GPN1: variants seen among roughly 807,000 people sequenced by gnomAD.
GPN1 encodes ATP(GTP)-binding protein.
GPN1 carries 44 observed loss-of-function variants against 55.9 expected under a neutral mutation model. That is an observed-to-expected ratio of 0.79 (90% CI 0.62 to 1.01). The LOEUF (loss-of-function observed/expected upper bound fraction) is 1.01, where lower values mean the gene tolerates loss of function less well. GPN1 is among the 50% of genes least tolerant of loss of function. GPN1 has a pLI of 0.00. For synonymous variants in GPN1, 179 were observed against 162.5 expected (o/e 1.10, Z -0.77); for missense variants, 466 against 462.8 (o/e 1.01, Z -0.06).
At chr2:27,630,386 G>GT (rs202052577) in intron 2 of GPN1, among the ~76,000 whole-genome samples, 1,794 of 82,492 alleles carry the variant, frequency 0.022, 30 homozygotes, top group Middle Eastern at 0.057. Context: ...AACAGCTTAG[G>GT]TTTTTTTTTT....
chr2:27,636,335 G>T (rs1482218948), intron 7 of GPN1, among the ~76,000 whole-genome samples: 3 of 152,176 alleles, frequency 2.0e-5, no homozygotes, highest in African/African-American at 7.2e-5. Flanking sequence ...AAAGCTGAGA[G>T]AATTTAATTT....
At position 27,645,272 on chromosome 2, in the gene GPN1, AT is replaced by A. The variant is rs547090620; in HGVS notation, c.932-2554del. On this transcript the variant is annotated intron_variant, in intron 12 of 13. Coordinates refer to ENST00000610189, the MANE Select transcript of GPN1 (RefSeq NM_007266.4). ...AGGCATAAGCCACCATCCCCAGCCC[AT>A]TTTTTTTTTCTTTTAACTTGCTTTG... is the stretch of plus-strand genomic sequence containing the variant. 1.3e-4 allele frequency among the ~76,000 whole-genome samples: 20 copies of A among 148,444 alleles called. No homozygotes were observed. In the East Asian group the frequency reaches 2.6e-3, roughly 19 times the overall value.
At chr2:27,636,039 A>AC (rs1196645454) in intron 7 of GPN1, among the ~76,000 whole-genome samples, 1 of 151,960 alleles carries the variant, frequency 6.6e-6, no homozygotes, top group African/African-American at 2.4e-5. Flanking sequence ...CCATGGTGAA[A>AC]CCCCATCTCT....
rs145925702 is a variant in GPN1 at position 27,629,091 on chromosome 2, G to A, written c.33G>A (p.Gln11=). 7 of 1,614,136 alleles carry A rather than the reference G, an allele frequency of 4.3e-6. No individual in the cohort carries two copies. The East Asian group carries it at 8.9e-5, about 21-fold the overall frequency. Residue 11 remains glutamine (Q), a synonymous_variant, in exon 1 of 14, where the codon CAG becomes CAA. Coordinates refer to ENST00000610189, the MANE Select transcript of GPN1 (RefSeq NM_007266.4). The part of the protein sequence containing the change: MAASAAAAEL[Q]ASGGPRHPVC... Reference sequence around the variant, plus strand: ...CGTCCGCAGCTGCCGCTGAGCTCCAGGCTTCTGGGGGTCCGCGGCACCCAG... The same window carrying A: ...CGTCCGCAGCTGCCGCTGAGCTCCAAGCTTCTGGGGGTCCGCGGCACCCAG...
chr2:27,630,009 C>A, intron 2 of GPN1, 57 bp downstream of exon 2: 1 of 992,696 alleles, frequency 1.0e-6, no homozygotes, highest in Non-Finnish European at 1.6e-6. Flanking sequence ...TGGAAAAGGC[C>A]AGGCGTGGTG....
rs1340616922 is a variant in GPN1 at position 27,640,134 on chromosome 2, A to G, written c.800+9A>G. On this transcript the variant is annotated intron_variant, in intron 10 of 13. Coordinates refer to ENST00000610189, the MANE Select transcript of GPN1 (RefSeq NM_007266.4). ...GCCGAAGAATATGAAAGGTGAGGAT[A>G]AAGGAAAATTCTATTGATGACATTC... The G allele has an allele frequency of 1.3e-6, 2 of 1,564,704 alleles. No homozygotes were observed. Among genetic ancestry groups the G allele is most frequent in the African/African-American group, 2.7e-5 (2 of 73,986 alleles).
intron 12 of GPN1, among the ~76,000 whole-genome samples, chr2:27,644,722 T>C (rs1674133923): frequency 2.1e-5 from 3 of 143,578 alleles, no homozygotes; most frequent in African/African-American, 8.1e-5. Context: ...TTTTTGGTAG[T>C]GTTTTTTTTT....
In GPN1 at chr2:27,642,445, A is replaced by G; in HGVS notation, c.857A>G (p.Gln286Arg). Residue 286 changes from glutamine (Q) to arginine (R), a missense_variant, in exon 12 of 14, where the codon CAA (glutamine) becomes CGA (arginine). Gln to Arg is a conservative substitution (Grantham distance 43). Coordinates refer to ENST00000610189, the MANE Select transcript of GPN1 (RefSeq NM_007266.4). ...TATATACAGGCCAACGCAGAGAGCC[A>G]ACAGCAGAGAGAACAACTGGAACGC... ...LKKSLANAES[Q>R]QQREQLERLR... 6.2e-7 allele frequency: 1 copy of G among 1,612,788 alleles called. No individual in the cohort carries two copies. The highest frequency in any genetic ancestry group is 8.5e-7 in the Non-Finnish European group (1 of 1,178,756).
intron 11 of GPN1, chr2:27,641,976 T>C (rs1210906725): frequency 6.5e-6 from 1 of 154,534 alleles, no homozygotes; most frequent in African/African-American, 2.4e-5. Context: ...TCCTGCTATG[T>C]CTACTTCAGG....
rs1674089692 is a variant in GPN1, at chr2:27,643,973, A to AT, written c.931+1456dup. Among the ~76,000 whole-genome samples, 1 of 152,104 alleles carries AT rather than the reference A, an allele frequency of 6.6e-6. No homozygotes were observed. The highest frequency in any genetic ancestry group is 2.4e-5 in the African/African-American group (1 of 41,428). On this transcript the variant is annotated intron_variant, in intron 12 of 13. Coordinates refer to ENST00000610189, the MANE Select transcript of GPN1 (RefSeq NM_007266.4). The surrounding 1 kb of genome is among the most constrained non-coding windows in gnomAD (Gnocchi z 4.0). ...GCGGGTGGATCACTTGAGGTCAGGA[A>AT]TTCGAGACCAGCCTGGCCAACATGG...
At chr2:27,636,896 T>C (rs2148069492) in intron 7 of GPN1, among the ~76,000 whole-genome samples, 1 of 152,334 alleles carries the variant, frequency 6.6e-6, no homozygotes, top group East Asian at 1.9e-4. Flanking sequence ...CTGCCCAGGC[T>C]GGTTTTGAAC....
chr2:27,645,821 C>T (rs1674200188), intron 12 of GPN1, among the ~76,000 whole-genome samples: 1 of 151,890 alleles, frequency 6.6e-6, no homozygotes, highest in Non-Finnish European at 1.5e-5. Flanking sequence ...CCTCTGCCTC[C>T]TGGGTTCAAG....
chr2:27,647,697 A>T, intron 12 of GPN1, 139 bp from the exon 13 acceptor site: 1 of 597,200 alleles, frequency 1.7e-6, no homozygotes, highest in Non-Finnish European at 3.0e-6. Flanking sequence ...GGTATTAACA[A>T]TACATTTAGA....
At chr2:27,628,994 A>G, upstream of GPN1, 3 of 1,607,922 alleles carry the variant, frequency 1.9e-6, no homozygotes, top group Non-Finnish European at 2.5e-6. Flanking sequence ...GCAGCCCAGA[A>G]CATTGCGGAA....
intron 2 of GPN1, among the ~76,000 whole-genome samples, chr2:27,630,822 CTT>C (rs1421133794): frequency 1.3e-5 from 2 of 152,268 alleles, no homozygotes. Flanking sequence ...AGACAAAACT[CTT>C]TGCCACAACT....
chr2:27,648,037 T>A (rs919566361), intron 13 of GPN1, 94 bp downstream of exon 13: 7 of 711,214 alleles, frequency 9.8e-6, no homozygotes, highest in African/African-American at 1.8e-5. Context: ...GTGTAGCCAG[T>A]AATAGTGGAT....
At chr2:27,628,995 C>G (rs574142073), upstream of GPN1, 6 of 1,607,832 alleles carry the variant, frequency 3.7e-6, no homozygotes, top group African/African-American at 8.0e-5. Context: ...CAGCCCAGAA[C>G]ATTGCGGAAG....
chr2:27,635,012 G>A (rs1673677403), intron 6 of GPN1, 88 bp downstream of exon 6: 3 of 973,812 alleles, frequency 3.1e-6, no homozygotes, highest in East Asian at 2.4e-5. Flanking sequence ...ACTTTATATG[G>A]GAGGAAGTTG....
Position 27,650,143 on chromosome 2 carries a change from A to T in GPN1, c.1068A>T (p.Ala356=), listed in dbSNP as rs142332359. The T allele has an allele frequency of 2.2e-4, 358 of 1,607,392 alleles. 3 individuals carry two copies. The Middle Eastern group carries it at 0.011, about 50-fold the overall frequency. Reference sequence around the variant, plus strand: ...CAGAGGAAAGCCATGAAGAGCCAGCATTCCAGAATTTTATGCAAGAATCGA... The same window carrying T: ...CAGAGGAAAGCCATGAAGAGCCAGCTTTCCAGAATTTTATGCAAGAATCGA... The part of the protein sequence containing the change: ...RVTEESHEEP[A]FQNFMQESMA... The change falls in exon 14 of 14, where the codon GCA becomes GCT. Residue 356 remains alanine, a synonymous_variant. Transcript: ENST00000610189.
Sources: gnomAD v4.1 joint callset for allele counts (sites outside exome capture counted in the v4.1 genomes callset) on GRCh38, gnomAD v4.1.1 for gene constraint, Gnocchi (gnomAD v3.1) non-coding constraint, MANE v1.5 for transcripts, NCBI Gene and HGNC (gene_info 2026-07-23, HGNC 2026-07-21) for gene names.